The following RAB37 variants were observed in gnomAD, a reference collection of about 807,000 sequenced individuals.
RAB37 encodes RAB37, member RAS oncogene family, also known as ras-related protein Rab-37.
In RAB37, 29 loss-of-function variants were observed where a neutral mutation model predicts 33.1. The ratio of observed to expected loss-of-function variants is 0.88; its 90% CI spans 0.65 to 1.20. The LOEUF (loss-of-function observed/expected upper bound fraction) is 1.20, where lower values mean the gene tolerates loss of function less well. RAB37 is among the 50% of genes most tolerant of loss of function. The pLI, the probability that RAB37 is intolerant of heterozygous loss-of-function variation, is 0.00. For synonymous variants in RAB37, 128 were observed against 119.5 expected (o/e 1.07, Z -0.47); for missense variants, 299 against 301.1 (o/e 0.99, Z 0.05).
chr17:74,744,862 G>C lies in RAB37; in HGVS notation c.433-11G>C. ...CCTCCTTCCCCAGAGTGACCCATTT[G>C]GGCTTGACAGGCGGATATGAGCAGC... is the stretch of plus-strand genomic sequence containing the variant. On this transcript the variant is annotated splice_polypyrimidine_tract_variant and intron_variant, in intron 6 of 8. Transcript: ENST00000392613. This position sits in a 1 kb window ranked among gnomAD's most constrained non-coding sequence, Gnocchi z 4.2. The C allele has an allele frequency of 6.2e-7, 1 of 1,614,244 alleles. No homozygotes were observed. The highest frequency in any genetic ancestry group is 8.5e-7 in the Non-Finnish European group (1 of 1,180,030).
intron 1 of RAB37, among the ~76,000 whole-genome samples, chr17:74,724,824 G>T (rs1020363432): frequency 1.3e-5 from 2 of 152,198 alleles, no homozygotes; most frequent in Non-Finnish European, 1.5e-5. Flanking sequence ...ATCAGTTAAG[G>T]CTATTTTCAC....
At chr17:74,695,832 A>T in intron 1 of RAB37, 1 of 1,614,096 alleles carries the variant, frequency 6.2e-7, no homozygotes. Context: ...TCTGCATAGC[A>T]GAGGTCGCCC....
At chr17:74,741,193 C>T (rs2034606296) in intron 2 of RAB37, among the ~76,000 whole-genome samples, 1 of 152,130 alleles carries the variant, frequency 6.6e-6, no homozygotes, top group African/African-American at 2.4e-5. Flanking sequence ...CCCACAGAGC[C>T]CCTGCTCATT....
rs1050545279 is a variant in RAB37 at position 74,742,816 on chromosome 17, G to A, written c.247-313G>A. On this transcript the variant is annotated intron_variant, in intron 3 of 8. Coordinates refer to ENST00000392613, the MANE Select transcript of RAB37 (RefSeq NM_001006638.3). This position sits in a 1 kb window ranked among gnomAD's most constrained non-coding sequence, Gnocchi z 4.0. ...AATTTTTTGTATTTTTAGTAGAGAC[G>A]GGGTTTCACTGTGTTAGCCAGGATG... 8.6e-5 allele frequency among the ~76,000 whole-genome samples: 13 copies of A among 151,960 alleles called. No individual in the cohort carries two copies. Among genetic ancestry groups the A allele is most frequent in the Non-Finnish European group, 1.8e-4 (12 of 67,992 alleles).
intron 1 of RAB37, among the ~76,000 whole-genome samples, chr17:74,672,552 A>T (rs1408376260): frequency 6.6e-6 from 1 of 152,036 alleles, no homozygotes; most frequent in East Asian, 1.9e-4. Flanking sequence ...ACCTAACCCA[A>T]CCTCCTCCTC....
intron 1 of RAB37, among the ~76,000 whole-genome samples, chr17:74,715,370 C>T (rs577733391): frequency 8.8e-4 from 134 of 152,290 alleles, no homozygotes; most frequent in Admixed American, 8.0e-3. Context: ...GATGGCTTCT[C>T]GCTTTACATA....
intron 1 of RAB37, chr17:74,704,366 C>T: frequency 8.7e-6 from 7 of 802,178 alleles, no homozygotes; most frequent in Admixed American, 7.6e-5. Context: ...CTATGAGACT[C>T]GGGACTCAAG....
At chr17:74,726,715 C>T (rs559437362) in intron 1 of RAB37, among the ~76,000 whole-genome samples, 5 of 152,310 alleles carry the variant, frequency 3.3e-5, no homozygotes, top group Admixed American at 2.6e-4. Context: ...GGTAAGCAGA[C>T]GCTGATATGC....
At chr17:74,735,008 AG>A, upstream of RAB37, among the ~76,000 whole-genome samples, 2 of 101,232 alleles carry the variant, frequency 2.0e-5, no homozygotes, top group African/African-American at 3.9e-5. Context: ...AGAAAAAGAA[AG>A]GAAGGAAGGA....
rs769786339 is a variant in RAB37 at position 74,744,336 on chromosome 17, C to G, written c.395C>G (p.Ala132Gly). The G allele has an allele frequency of 6.2e-7, 1 of 1,614,008 alleles. No individual in the cohort carries two copies. The highest frequency in any genetic ancestry group is 1.1e-5 in the South Asian group (1 of 91,070). ...RAWLTEIHEY[A>G]QRDVVIMLLG... ...TGGCTCACTGAGATTCATGAGTATG[C>G]CCAGAGGGACGTGGTGATCATGCTG... The change falls in exon 6 of 9, where the codon GCC becomes GGC. Residue 132 changes from alanine to glycine, a missense_variant. Coordinates refer to ENST00000392613, the MANE Select transcript of RAB37 (RefSeq NM_001006638.3). This position sits in a 1 kb window ranked among gnomAD's most constrained non-coding sequence, Gnocchi z 4.2.
rs1289239549 is a variant in RAB37, at chr17:74,730,106, C to T, written c.183+740C>T. ...ATCTCCCCGCGTTGTCCCGTGCCTG[C>T]GGCTGCAGCTGCCCTTGAATTCCTG... On this transcript the variant is annotated intron_variant, in intron 2 of 7. Coordinates refer to the RAB37 transcript ENST00000340415. The surrounding 1 kb of genome is among the most constrained non-coding windows in gnomAD (Gnocchi z 4.4). Among the ~76,000 whole-genome samples the T allele has an allele frequency of 5.3e-5, 8 of 152,194 alleles. No individual in the cohort carries two copies. Among genetic ancestry groups the T allele is most frequent in the Non-Finnish European group, 1.2e-4 (8 of 68,024 alleles).
In RAB37 at chr17:74,742,557, T is replaced by C. The variant is rs1282491239; in HGVS notation, c.246+262T>C. ...CCTCCCCAGTTGCCAGGGCTTTATC[T>C]GCTCTTAGGAGATTGGACATCCCCA... On this transcript the variant is annotated intron_variant, in intron 3 of 8. Coordinates refer to ENST00000392613, the MANE Select transcript of RAB37 (RefSeq NM_001006638.3). The surrounding 1 kb of genome is among the most constrained non-coding windows in gnomAD (Gnocchi z 4.0). 6.6e-6 allele frequency among the ~76,000 whole-genome samples: 1 copy of C among 152,186 alleles called. No individual in the cohort carries two copies. Among genetic ancestry groups the C allele is most frequent in the Non-Finnish European group, 1.5e-5 (1 of 68,022 alleles).
intron 1 of RAB37, among the ~76,000 whole-genome samples, chr17:74,717,156 T>C (rs947779430): frequency 6.6e-6 from 1 of 152,086 alleles, no homozygotes; most frequent in East Asian, 1.9e-4. Context: ...TAAAATGAAA[T>C]AAAACAAATT....
In RAB37 at chr17:74,713,925, AAAAG is replaced by A. The variant is rs1211166278; in HGVS notation, c.73-15330_73-15327del. ...AAAAAAAAAAAAAAAAAAAAAAAAA[AAAAG>A]TCAGGCATGGTGGCTCATGCCTGTA... On this transcript the variant is annotated intron_variant, in intron 1 of 7. Coordinates refer to the RAB37 transcript ENST00000340415. Among the ~76,000 whole-genome samples, 341 of 149,992 alleles carry A rather than the reference AAAAG, an allele frequency of 2.3e-3. 5 individuals are homozygous for A. The highest frequency in any genetic ancestry group is 7.5e-3 in the African/African-American group (305 of 40,570).
At chr17:74,686,674 A>T (rs2032061264) in intron 1 of RAB37, among the ~76,000 whole-genome samples, 1 of 152,116 alleles carries the variant, frequency 6.6e-6, no homozygotes, top group Non-Finnish European at 1.5e-5. Context: ...GATTACAGGC[A>T]TGAGCCATAC....
chr17:74,699,960 G>A (rs756972078), intron 1 of RAB37, among the ~76,000 whole-genome samples: 31 of 152,034 alleles, frequency 2.0e-4, no homozygotes, highest in Non-Finnish European at 4.1e-4. Flanking sequence ...GACCAACATG[G>A]TGAAACTCCG....
rs926573492 is a variant in RAB37 at position 74,729,235 on chromosome 17, C to G, written c.73-21C>G. 6.3e-7 allele frequency: 1 copy of G among 1,583,544 alleles called. No individual in the cohort carries two copies. Among genetic ancestry groups the G allele is most frequent in the Non-Finnish European group, 8.7e-7 (1 of 1,152,224 alleles). On this transcript the variant is annotated intron_variant, in intron 1 of 7. Transcript: ENST00000340415. The surrounding 1 kb of genome is among the most constrained non-coding windows in gnomAD (Gnocchi z 4.2). ...ACTCACATCACAGGCCCTCAGCTCT[C>G]TCTCTATTGTTCCCTTCCAGACCAT...
intron 1 of RAB37, among the ~76,000 whole-genome samples, chr17:74,685,235 A>T (rs1009313887): frequency 6.6e-6 from 1 of 152,144 alleles, no homozygotes; most frequent in African/African-American, 2.4e-5. Flanking sequence ...CCCAGGCTAG[A>T]GTGCAGTGGC....
Position 74,676,343 on chromosome 17 carries a change from G to C in RAB37, c.72+4685G>C, listed in dbSNP as rs556178976. ...GTCAGTCTCAGAAAGACTGGGGGTG[G>C]GGGGCAGAAAAACGTGAGCTGCTCA... On this transcript the variant is annotated intron_variant, in intron 1 of 7. Transcript: ENST00000340415. This position sits in a 1 kb window ranked among gnomAD's most constrained non-coding sequence, Gnocchi z 4.1. Among the ~76,000 whole-genome samples the C allele has an allele frequency of 2.0e-5, 3 of 152,178 alleles. No homozygotes were observed. The highest frequency in any genetic ancestry group is 1.3e-4 in the Admixed American group (2 of 15,294).
Sources: allele counts gnomAD v4.1 joint callset (sites outside exome capture counted in the v4.1 genomes callset), GRCh38; gene constraint gnomAD v4.1.1; non-coding constraint Gnocchi (gnomAD v3.1); transcripts MANE v1.5; gene names NCBI Gene and HGNC (gene_info 2026-07-23, HGNC 2026-07-21).